The following FRMPD4 variants were observed in gnomAD, a reference collection of about 807,000 sequenced individuals.
The protein encoded by FRMPD4 is FERM and PDZ domain containing 4.
Under a neutral mutation model 94.1 loss-of-function variants are expected in FRMPD4, and 22 were observed. That is an observed-to-expected ratio of 0.23 (90% CI 0.17 to 0.33). The LOEUF (loss-of-function observed/expected upper bound fraction) is 0.33. FRMPD4 is among the 10% of genes least tolerant of loss of function. FRMPD4 has a pLI of 1.00. For synonymous variants in FRMPD4, 631 were observed against 548.6 expected (o/e 1.15, Z -2.10); for missense variants, 1,111 against 1,339.9 (o/e 0.83, Z 2.67).
At chrX:12,133,706 G>T (rs1365803857), upstream of FRMPD4, among the ~76,000 whole-genome samples, 1 of 111,930 alleles carries the variant, frequency 8.9e-6, no homozygotes, top group Non-Finnish European at 1.9e-5. Flanking sequence ...CCTGAGCCTG[G>T]CTACTTTTCA....
At chrX:12,042,443 T>A (rs1017742934) in intron 3 of FRMPD4, among the ~76,000 whole-genome samples, 32 of 111,477 alleles carry the variant, frequency 2.9e-4, no homozygotes, top group African/African-American at 1.0e-3. Flanking sequence ...CGTTCAATTT[T>A]TTTCCTAATT....
chrX:12,272,557 G>A (rs2054370532), intron 1 of FRMPD4, among the ~76,000 whole-genome samples: 1 of 111,473 alleles, frequency 9.0e-6, no homozygotes, highest in Non-Finnish European at 1.9e-5. Flanking sequence ...TTGTAGAAGG[G>A]ACAGTTTCTA....
intron 1 of FRMPD4, among the ~76,000 whole-genome samples, chrX:12,407,274 A>T (rs897236664): frequency 2.7e-5 from 3 of 112,169 alleles, no homozygotes; most frequent in Non-Finnish European, 5.6e-5. Context: ...TGCCTATCAC[A>T]GCTTGAAAGC....
intron 1 of FRMPD4, among the ~76,000 whole-genome samples, chrX:12,318,037 T>C (rs1727702172): frequency 8.9e-6 from 1 of 112,669 alleles, no homozygotes; most frequent in South Asian, 3.7e-4. Context: ...ATAGTCAAGA[T>C]ATGGATCAAC....
At chrX:12,266,132 CAAAAAAAAAAAAAAA>C (rs3990340) in intron 1 of FRMPD4, among the ~76,000 whole-genome samples, 2 of 25,771 alleles carry the variant, frequency 7.8e-5, no homozygotes, top group Non-Finnish European at 1.5e-4. Flanking sequence ...GACTCCGTCT[CAAAAAAAAAAAAAAA>C]AAAAAAAAAA....
rs1164943538 is a variant in FRMPD4 at position 12,167,463 on chromosome X, A to G, written c.41+28451A>G. 9.9e-5 allele frequency among the ~76,000 whole-genome samples: 11 copies of G among 111,369 alleles called. No homozygotes were observed. In the Admixed American group the frequency reaches 1.1e-3, roughly 11 times the overall value. ...GAATATGGGGAAAATTGTAAGGTTGAAACATTAGCTTTGGCTCCAGTAATC... is the reference window on the plus strand; with the variant it reads ...GAATATGGGGAAAATTGTAAGGTTGGAACATTAGCTTTGGCTCCAGTAATC... On this transcript the variant is annotated intron_variant, in intron 1 of 16. Transcript: ENST00000675598.
intron 1 of FRMPD4, among the ~76,000 whole-genome samples, chrX:12,204,585 C>T (rs919536993): frequency 9.0e-6 from 1 of 111,184 alleles, no homozygotes; most frequent in Non-Finnish European, 1.9e-5. Flanking sequence ...CTTTGATTTT[C>T]GAAGCCTCCT....
intron 3 of FRMPD4, among the ~76,000 whole-genome samples, chrX:11,913,423 C>G (rs1008579825): frequency 5.3e-5 from 6 of 112,236 alleles, no homozygotes; most frequent in Admixed American, 9.4e-5. Context: ...AAGTCCCACC[C>G]TCTCAGAGCC....
intron 2 of FRMPD4, among the ~76,000 whole-genome samples, chrX:12,559,998 G>A (rs1306650882): frequency 1.1e-5 from 1 of 89,926 alleles, no homozygotes; most frequent in African/African-American, 4.4e-5. Flanking sequence ...ACTACATTCA[G>A]ATAGATGATT....
chrX:11,932,836 A>T (rs1478439569), intron 3 of FRMPD4, among the ~76,000 whole-genome samples: 1 of 111,371 alleles, frequency 9.0e-6, no homozygotes, highest in Non-Finnish European at 1.9e-5. Flanking sequence ...GCCTGCTCAA[A>T]TTCCACCCCA....
chrX:11,822,455 C>A (rs1218043168), exon 1 of FRMPD4, among the ~76,000 whole-genome samples: 1 of 112,020 alleles, frequency 8.9e-6, no homozygotes, highest in Non-Finnish European at 1.9e-5. Context: ...AAGAGGAAGT[C>A]TAAGGAGGCT....
intron 2 of FRMPD4, among the ~76,000 whole-genome samples, chrX:12,558,525 C>T (rs2058619562): frequency 1.8e-5 from 2 of 112,544 alleles, no homozygotes; most frequent in African/African-American, 6.4e-5. Context: ...GACATATCCC[C>T]AGGAAGTGAT....
chrX:12,129,542 C>G (rs912922749), intron 3 of FRMPD4, among the ~76,000 whole-genome samples: 1 of 111,542 alleles, frequency 9.0e-6, no homozygotes, highest in Admixed American at 9.5e-5. Flanking sequence ...TCTCCTTCTT[C>G]GGGAGATTTC....
intron 1 of FRMPD4, among the ~76,000 whole-genome samples, chrX:12,359,891 C>T (rs746532229): frequency 1.8e-5 from 2 of 111,840 alleles, no homozygotes; most frequent in Non-Finnish European, 3.8e-5. Flanking sequence ...TGGGGACCCT[C>T]GGTGTCTCAT....
intron 1 of FRMPD4, among the ~76,000 whole-genome samples, chrX:11,859,900 C>T (rs772685563): frequency 4.6e-4 from 52 of 112,197 alleles, no homozygotes; most frequent in African/African-American, 1.6e-3. Flanking sequence ...CCTGATGTTT[C>T]CACTCTGCCC....
chrX:12,015,998 A>G (rs1478736835), intron 3 of FRMPD4, among the ~76,000 whole-genome samples: 1 of 112,689 alleles, frequency 8.9e-6, no homozygotes, highest in African/African-American at 3.2e-5. Flanking sequence ...TTTTCTTTTC[A>G]GAGTTTCTCT....
At chrX:11,855,948 G>T (rs1961835) in intron 1 of FRMPD4, among the ~76,000 whole-genome samples, 46,034 of 110,555 alleles carry the variant, frequency 0.42, 7,646 homozygotes, top group African/African-American at 0.62. Context: ...TAGTCTGTTC[G>T]TATGTTGCTA....
chrX:12,488,209 T>C (rs768553768), intron 1 of FRMPD4, among the ~76,000 whole-genome samples: 1 of 111,723 alleles, frequency 9.0e-6, no homozygotes, highest in Non-Finnish European at 1.9e-5. Context: ...AACTCAAACA[T>C]GTTTTTGATA....
chrX:12,494,151 G>A (rs1279583754), intron 1 of FRMPD4, among the ~76,000 whole-genome samples: 2 of 112,157 alleles, frequency 1.8e-5, no homozygotes, highest in Non-Finnish European at 3.8e-5. Context: ...ACTATACTAA[G>A]AATTGTGCAT....
Sources: allele counts gnomAD v4.1 joint callset (sites outside exome capture counted in the v4.1 genomes callset), GRCh38; gene constraint gnomAD v4.1.1; transcripts MANE v1.5; gene names NCBI Gene and HGNC (gene_info 2026-07-23, HGNC 2026-07-21).